PLEKHA5: variants seen among roughly 807,000 people sequenced by gnomAD.
PLEKHA5 encodes the protein pleckstrin homology domain containing A5, also known as pleckstrin homology domain-containing family A member 5.
PLEKHA5 carries 55 observed loss-of-function variants against 181.9 expected under a neutral mutation model. The ratio of observed to expected loss-of-function variants is 0.30; its 90% CI spans 0.24 to 0.38. PLEKHA5 has a LOEUF of 0.38. PLEKHA5 is among the 10% of genes least tolerant of loss of function. The probability of loss-of-function intolerance (pLI) is 1.00; values close to 1 mark genes in which losing one functional copy is unlikely to be tolerated. For synonymous variants in PLEKHA5, 535 were observed against 529.4 expected (o/e 1.01, Z -0.15); for missense variants, 1,432 against 1,549.5 (o/e 0.92, Z 1.27).
chr12:19,169,463 G>A (rs1284087542), intron 3 of PLEKHA5, among the ~76,000 whole-genome samples: 1 of 152,100 alleles, frequency 6.6e-6, no homozygotes, highest in Non-Finnish European at 1.5e-5. Context: ...TGGTAGGCTT[G>A]TTTCTAATAT....
At chr12:19,276,357 A>G (rs1396368347) in intron 11 of PLEKHA5, among the ~76,000 whole-genome samples, 1 of 152,168 alleles carries the variant, frequency 6.6e-6, no homozygotes, top group Non-Finnish European at 1.5e-5. Context: ...AGTCTAGTTG[A>G]TTGCTTTGAT....
chr12:19,268,361 A>G (rs1233636342), intron 8 of PLEKHA5, among the ~76,000 whole-genome samples: 2 of 152,094 alleles, frequency 1.3e-5, no homozygotes, highest in African/African-American at 2.4e-5. Context: ...GCGTTTTTAG[A>G]CTCTTAAAAA....
intron 28 of PLEKHA5, 81 bp downstream of exon 28, chr12:19,359,627 G>GTA: frequency 7.1e-7 from 1 of 1,410,946 alleles, no homozygotes; most frequent in Admixed American, 1.8e-5. Flanking sequence ...TGAAAATAAA[G>GTA]TGTGTTTCTT....
At chr12:19,288,826 A>G (rs928408413) in intron 13 of PLEKHA5, among the ~76,000 whole-genome samples, 1 of 152,156 alleles carries the variant, frequency 6.6e-6, no homozygotes, top group African/African-American at 2.4e-5. Context: ...TGCTCCCTCT[A>G]GTGGATATTT....
At chr12:19,355,019 G>A (rs2094849247) in intron 26 of PLEKHA5, among the ~76,000 whole-genome samples, 1 of 152,266 alleles carries the variant, frequency 6.6e-6, no homozygotes, top group East Asian at 1.9e-4. Flanking sequence ...TCATGAGGTT[G>A]CAGGGCCTTT....
intron 3 of PLEKHA5, among the ~76,000 whole-genome samples, chr12:19,229,772 C>G (rs1344506451): frequency 6.6e-6 from 1 of 152,168 alleles, no homozygotes; most frequent in Admixed American, 6.5e-5. Flanking sequence ...GCTGATTGAT[C>G]CATTTTACAG....
intron 3 of PLEKHA5, chr12:19,200,549 C>T (rs34370470): frequency 6.9e-5 from 90 of 1,303,522 alleles, no homozygotes; most frequent in Non-Finnish European, 8.6e-5. Flanking sequence ...TCTCACTCCT[C>T]TTTTCCTCAT....
intron 3 of PLEKHA5, among the ~76,000 whole-genome samples, chr12:19,215,033 T>C (rs1304724491): frequency 6.6e-6 from 1 of 152,036 alleles, no homozygotes; most frequent in Non-Finnish European, 1.5e-5. Context: ...AAAAATTAGC[T>C]GGGTGTGGTG....
intron 3 of PLEKHA5, among the ~76,000 whole-genome samples, chr12:19,177,594 G>T (rs1412433742): frequency 1.3e-5 from 2 of 152,166 alleles, no homozygotes; most frequent in Non-Finnish European, 2.9e-5. Context: ...GAAGTTTTGT[G>T]CTCTTCTTTT....
Position 19,228,389 on chromosome 12 carries a change from A to T in PLEKHA5, c.228-25551A>T, listed in dbSNP as rs116404872. ...TCCTGTTTTCTACTCTCCAGATCCT[A>T]CCTATCCTTTATAGGATTCAAACTC... On this transcript the variant is annotated intron_variant, in intron 3 of 31. Coordinates refer to ENST00000429027, the MANE Select transcript of PLEKHA5 (RefSeq NM_001256470.2). 3.5e-3 allele frequency among the ~76,000 whole-genome samples: 525 copies of T among 152,144 alleles called. 2 individuals carry two copies. Among genetic ancestry groups the T allele is most frequent in the African/African-American group, 0.012 (508 of 41,530 alleles).
chr12:19,228,555 A>G (rs529390961), intron 3 of PLEKHA5, among the ~76,000 whole-genome samples: 3 of 152,342 alleles, frequency 2.0e-5, no homozygotes, highest in East Asian at 3.9e-4. Context: ...CATCGTAACA[A>G]TTATATGAGG....
At chr12:19,316,603 A>G (rs1361437652) in intron 16 of PLEKHA5, among the ~76,000 whole-genome samples, 1 of 152,206 alleles carries the variant, frequency 6.6e-6, no homozygotes, top group Non-Finnish European at 1.5e-5. Flanking sequence ...TTGCCTGGGC[A>G]TGGCTGAGTC....
At chr12:19,137,819 G>A (rs1332444733) in intron 3 of PLEKHA5, among the ~76,000 whole-genome samples, 1 of 152,172 alleles carries the variant, frequency 6.6e-6, no homozygotes, top group African/African-American at 2.4e-5. Context: ...GTGATGCCCA[G>A]CATCTAGTCA....
intron 3 of PLEKHA5, among the ~76,000 whole-genome samples, chr12:19,163,949 T>A (rs934871940): frequency 6.6e-6 from 1 of 152,120 alleles, no homozygotes; most frequent in Admixed American, 6.5e-5. Flanking sequence ...CATTTTTACT[T>A]CCATTCTTTC....
At chr12:19,267,750 G>A (rs2071008565) in intron 8 of PLEKHA5, among the ~76,000 whole-genome samples, 1 of 151,840 alleles carries the variant, frequency 6.6e-6, no homozygotes, top group African/African-American at 2.4e-5. Context: ...GATCACCTGA[G>A]GTCAGGAGTT....
At chr12:19,295,303 T>C (rs1164301418) in intron 15 of PLEKHA5, among the ~76,000 whole-genome samples, 1 of 152,226 alleles carries the variant, frequency 6.6e-6, no homozygotes, top group African/African-American at 2.4e-5. Context: ...CTAAAATGCA[T>C]GTACTGAATG....
At chr12:19,322,772 A>G (rs2091189229) in intron 20 of PLEKHA5, 105 bp downstream of exon 20, 1 of 681,066 alleles carries the variant, frequency 1.5e-6, no homozygotes, top group Admixed American at 2.9e-5. Context: ...CTTCTATATT[A>G]TTATAGCAGA....
At chr12:19,336,437 T>C in intron 20 of PLEKHA5, 78 bp from the exon 21 acceptor site, 1 of 751,890 alleles carries the variant, frequency 1.3e-6, no homozygotes, top group Non-Finnish European at 2.3e-6. Context: ...TTCTAAAATC[T>C]AGAAAGTTAC....
At chr12:19,173,416 A>C (rs922713370) in intron 3 of PLEKHA5, among the ~76,000 whole-genome samples, 4 of 151,382 alleles carry the variant, frequency 2.6e-5, no homozygotes, top group African/African-American at 9.7e-5. Context: ...TTTTATTGCC[A>C]GTTTTCAATC....
Sources: allele counts gnomAD v4.1 joint callset (sites outside exome capture counted in the v4.1 genomes callset), GRCh38; gene constraint gnomAD v4.1.1; transcripts MANE v1.5; gene names NCBI Gene and HGNC (gene_info 2026-07-23, HGNC 2026-07-21).